Variants in CCDC171 observed in about 807,000 individuals in gnomAD.
CCDC171 encodes coiled-coil domain containing 171, also known as coiled-coil domain-containing protein 171.
In CCDC171, 177 loss-of-function variants were observed where a neutral mutation model predicts 168.2. The observed-to-expected ratio is 1.05, with a 90% CI of 0.93 to 1.19. CCDC171 has a LOEUF of 1.19. CCDC171 is among the 50% of genes most tolerant of loss of function. The probability of loss-of-function intolerance (pLI) is 0.00; values close to 1 mark genes in which losing one functional copy is unlikely to be tolerated. For missense variants in CCDC171, 1,991 were observed against 1,539.0 expected (o/e 1.29, Z -4.91); for synonymous variants, 687 against 540.8 (o/e 1.27, Z -3.75).
chr9:15,588,636 C>G (rs2041754386), intron 4 of CCDC171: 2 of 275,372 alleles, frequency 7.3e-6, no homozygotes, highest in South Asian at 1.0e-4. Context: ...TTTTTGATAA[C>G]TGTGCACTTT....
chr9:15,940,882 C>G (rs935078242), intron 25 of CCDC171, among the ~76,000 whole-genome samples: 1 of 151,758 alleles, frequency 6.6e-6, no homozygotes, highest in Admixed American at 6.6e-5. Context: ...CAAAACATAG[C>G]GTTAAGAAGT....
chr9:15,572,376 T>C (rs1412656067), intron 3 of CCDC171, among the ~76,000 whole-genome samples: 1 of 152,166 alleles, frequency 6.6e-6, no homozygotes, highest in Non-Finnish European at 1.5e-5. Context: ...CCACCTGGTA[T>C]AGTGGGAAGA....
intron 25 of CCDC171, among the ~76,000 whole-genome samples, chr9:15,951,195 G>A (rs1047438551): frequency 2.7e-5 from 4 of 150,292 alleles, no homozygotes; most frequent in South Asian, 2.2e-4. Context: ...ACACCCCACT[G>A]TCAACATTGG....
At chr9:15,630,705 C>A (rs886489752) in intron 7 of CCDC171, among the ~76,000 whole-genome samples, 1 of 152,194 alleles carries the variant, frequency 6.6e-6, no homozygotes, top group Non-Finnish European at 1.5e-5. Flanking sequence ...CTCTCCACCC[C>A]AAATCAACAG....
At chr9:15,581,958 G>T (rs923153713) in intron 4 of CCDC171, among the ~76,000 whole-genome samples, 2 of 152,178 alleles carry the variant, frequency 1.3e-5, no homozygotes, top group African/African-American at 2.4e-5. Context: ...AAGAGCTTCT[G>T]CACAGCAAAA....
the CCDC171 span, among the ~76,000 whole-genome samples, chr9:16,102,048 A>G: frequency 2.0e-5 from 3 of 152,240 alleles, no homozygotes; most frequent in Non-Finnish European, 4.4e-5. Flanking sequence ...AAACCAAAAC[A>G]CCTATTAAAT....
At chr9:15,593,047 A>T (rs1041450143) in intron 5 of CCDC171, among the ~76,000 whole-genome samples, 3 of 151,290 alleles carry the variant, frequency 2.0e-5, no homozygotes, top group Non-Finnish European at 4.4e-5. Flanking sequence ...AACAGTCCCC[A>T]GAGTGTGATG....
At chr9:15,579,746 T>G (rs3129710) in intron 4 of CCDC171, among the ~76,000 whole-genome samples, 146,066 of 152,166 alleles carry the variant, frequency 0.96, 70,181 homozygotes, top group East Asian at 1. Flanking sequence ...ATATTCTTTT[T>G]TTTCTGGCTT....
rs1827381215 is a variant in CCDC171 at position 15,938,768 on chromosome 9, A to G, written c.3753+18346A>G. 2.0e-5 allele frequency among the ~76,000 whole-genome samples: 3 copies of G among 151,878 alleles called. No homozygotes were observed. In the South Asian group the frequency reaches 6.2e-4, roughly 31 times the overall value. ...CTTTTGTTCTCCATGTTTGCCTGAC[A>G]CCAACTGGAAAGATACTCTTCCAGA... is the stretch of plus-strand genomic sequence containing the variant. On this transcript the variant is annotated intron_variant, in intron 25 of 25. Transcript: ENST00000380701.
intron 18 of CCDC171, among the ~76,000 whole-genome samples, chr9:15,769,538 G>A (rs898683535): frequency 2.5e-4 from 38 of 152,172 alleles, no homozygotes; most frequent in African/African-American, 9.2e-4. Context: ...AATATTAGCA[G>A]CATAGTGACT....
At chr9:15,627,654 C>G (rs2045277576) in intron 7 of CCDC171, among the ~76,000 whole-genome samples, 1 of 152,186 alleles carries the variant, frequency 6.6e-6, no homozygotes, top group East Asian at 1.9e-4. Context: ...ATCCTGAGTT[C>G]TAGTTTGAAT....
chr9:15,975,306 A>G (rs1831586693), downstream of CCDC171, among the ~76,000 whole-genome samples: 1 of 152,186 alleles, frequency 6.6e-6, no homozygotes, highest in Non-Finnish European at 1.5e-5. Flanking sequence ...CTGCAATTCC[A>G]AAGTCCACAT....
intron 6 of CCDC171, among the ~76,000 whole-genome samples, chr9:16,031,127 T>C (rs999630948): frequency 2.0e-5 from 3 of 152,124 alleles, no homozygotes; most frequent in South Asian, 2.1e-4. Context: ...TGAATGCTGG[T>C]TGGGGGCTTA....
At chr9:15,865,148 T>C (rs2061721462) in intron 23 of CCDC171, among the ~76,000 whole-genome samples, 2 of 152,006 alleles carry the variant, frequency 1.3e-5, no homozygotes, top group African/African-American at 4.8e-5. Flanking sequence ...ACTGGAACAA[T>C]ATTTAGGAAG....
intron 7 of CCDC171, among the ~76,000 whole-genome samples, chr9:15,637,522 G>A (rs1015490228): frequency 1.2e-4 from 18 of 150,578 alleles, no homozygotes; most frequent in Admixed American, 9.3e-4. Context: ...ACAATATGCC[G>A]GTTAGTTACA....
intron 1 of CCDC171, among the ~76,000 whole-genome samples, chr9:16,045,608 C>G: frequency 6.6e-6 from 1 of 152,154 alleles, no homozygotes; most frequent in Admixed American, 6.5e-5. Flanking sequence ...AGTCTGGCCA[C>G]CATGCTCTGA....
intron 10 of CCDC171, among the ~76,000 whole-genome samples, chr9:15,690,666 C>T (rs903604915): frequency 2.0e-5 from 3 of 151,978 alleles, no homozygotes; most frequent in Non-Finnish European, 4.4e-5. Context: ...CACTTGATCA[C>T]TTGAAAAATA....
intron 21 of CCDC171, among the ~76,000 whole-genome samples, chr9:15,814,555 ATGAC>A (rs561133348): frequency 1.4e-3 from 212 of 152,312 alleles, no homozygotes; most frequent in African/African-American, 4.9e-3. Context: ...GAGATTAAGA[ATGAC>A]TGAATCATTT....
chr9:15,582,850 A>T (rs1397660466), intron 4 of CCDC171, among the ~76,000 whole-genome samples: 1 of 151,868 alleles, frequency 6.6e-6, no homozygotes, highest in East Asian at 1.9e-4. Flanking sequence ...GTTGATGGGT[A>T]CAGTAAACCA....
Sources: gnomAD v4.1 joint callset for allele counts (sites outside exome capture counted in the v4.1 genomes callset) on GRCh38, gnomAD v4.1.1 for gene constraint, MANE v1.5 for transcripts, NCBI Gene and HGNC (gene_info 2026-07-23, HGNC 2026-07-21) for gene names.